Variants in STXBP5L observed in about 807,000 individuals in gnomAD.
STXBP5L encodes syntaxin binding protein 5L.
STXBP5L carries 65 observed loss-of-function variants against 144.5 expected under a neutral mutation model. The ratio of observed to expected loss-of-function variants is 0.45; its 90% CI spans 0.37 to 0.55. The LOEUF (loss-of-function observed/expected upper bound fraction) is 0.55. STXBP5L is among the 20% of genes least tolerant of loss of function. The pLI, the probability that STXBP5L is intolerant of heterozygous loss-of-function variation, is 0.00. For missense variants in STXBP5L, 1,298 were observed against 1,405.5 expected, an observed-to-expected ratio of 0.92 and a Z score of 1.22; for synonymous variants, 505 against 469.6, an observed-to-expected ratio of 1.08 and a Z score of -0.97.
rs986292791 is a variant in STXBP5L, at chr3:121,036,333, T to TA, written c.288-5359dup. ...GGGCAACACGAGTGAGACTCCATCT[T>TA]AAAAAAAATTGATTTTGCATTCTAC... On this transcript the variant is annotated intron_variant, in intron 3 of 26. Coordinates refer to ENST00000471454, the MANE Select transcript of STXBP5L (RefSeq NM_001308330.2). Among the ~76,000 whole-genome samples, 5 of 152,058 alleles carry TA rather than the reference T, an allele frequency of 3.3e-5. No individual in the cohort carries two copies. The South Asian group carries it at 6.2e-4, about 19-fold the overall frequency.
chr3:121,081,768 G>A (rs1285357199), intron 5 of STXBP5L, among the ~76,000 whole-genome samples: 1 of 152,186 alleles, frequency 6.6e-6, no homozygotes, highest in South Asian at 2.1e-4. Flanking sequence ...CAGAGGCCCA[G>A]TATTTATTAA....
intron 3 of STXBP5L, among the ~76,000 whole-genome samples, chr3:121,038,898 A>G (rs1946947268): frequency 6.6e-6 from 1 of 151,910 alleles, no homozygotes; most frequent in Non-Finnish European, 1.5e-5. Context: ...GTATATTAAT[A>G]TATCTTTCCA....
chr3:121,086,476 A>T (rs1276153598), intron 5 of STXBP5L, among the ~76,000 whole-genome samples: 2 of 152,108 alleles, frequency 1.3e-5, no homozygotes, highest in African/African-American at 2.4e-5. Context: ...AAATATTTAG[A>T]TACACAAATG....
intron 2 of STXBP5L, among the ~76,000 whole-genome samples, chr3:120,948,341 T>A (rs974330842): frequency 6.6e-6 from 1 of 151,810 alleles, no homozygotes; most frequent in African/African-American, 2.4e-5. Context: ...TCTTTATATA[T>A]TCTGGATTAA....
intron 5 of STXBP5L, chr3:121,049,803 G>T (rs569397820): frequency 6.5e-6 from 1 of 153,976 alleles, no homozygotes; most frequent in South Asian, 2.0e-4. Context: ...TGCATCTGCT[G>T]GTGTTGAGGT....
intron 17 of STXBP5L, among the ~76,000 whole-genome samples, chr3:121,257,976 A>G (rs2050262404): frequency 6.6e-6 from 1 of 152,182 alleles, no homozygotes. Context: ...TAATTTCTTT[A>G]GCTTTCTTGG....
chr3:121,267,155 G>A (rs556834996), intron 18 of STXBP5L, among the ~76,000 whole-genome samples: 37 of 152,078 alleles, frequency 2.4e-4, no homozygotes, highest in Admixed American at 6.6e-4. Context: ...ACCTGACTTC[G>A]AACTATACTA....
chr3:121,025,959 G>A (rs1331766985), intron 3 of STXBP5L, among the ~76,000 whole-genome samples: 1 of 143,136 alleles, frequency 7.0e-6, no homozygotes, highest in African/African-American at 2.5e-5. Flanking sequence ...ATATCATAAT[G>A]TATAATATAT....
chr3:121,110,735 C>G (rs1028307997), intron 5 of STXBP5L, among the ~76,000 whole-genome samples: 4 of 152,044 alleles, frequency 2.6e-5, no homozygotes, highest in Non-Finnish European at 5.9e-5. Context: ...GAATATCTTA[C>G]TGGGGTTCTC....
chr3:121,382,802 G>C (rs2046348648), intron 22 of STXBP5L, among the ~76,000 whole-genome samples: 1 of 152,048 alleles, frequency 6.6e-6, no homozygotes, highest in Admixed American at 6.6e-5. Flanking sequence ...GTCATTCTTA[G>C]CACATATACT....
intron 3 of STXBP5L, among the ~76,000 whole-genome samples, chr3:120,972,445 T>C (rs1256752423): frequency 6.6e-6 from 1 of 152,170 alleles, no homozygotes; most frequent in African/African-American, 2.4e-5. Context: ...ACTGAATTCA[T>C]CTATCAAATC....
chr3:121,061,125 A>G (rs2041254639), intron 5 of STXBP5L, among the ~76,000 whole-genome samples: 1 of 152,064 alleles, frequency 6.6e-6, no homozygotes, highest in South Asian at 2.1e-4. Flanking sequence ...ATAAATTTCC[A>G]TCTAAACACT....
In STXBP5L at chr3:120,992,233, G is replaced by A. The variant is rs949714459; in HGVS notation, c.287+37196G>A. Among the ~76,000 whole-genome samples, 3 of 152,080 alleles carry A rather than the reference G, an allele frequency of 2.0e-5. No homozygotes were observed. In the East Asian group the frequency reaches 5.8e-4, roughly 29 times the overall value. ...ATATTTCATTACATGAATACAATGTGTAGTGATCAACTCAGAATGTTTAGC... is the reference window on the plus strand; with the variant it reads ...ATATTTCATTACATGAATACAATGTATAGTGATCAACTCAGAATGTTTAGC... On this transcript the variant is annotated intron_variant, in intron 3 of 26. Coordinates refer to ENST00000471454, the MANE Select transcript of STXBP5L (RefSeq NM_001308330.2).
chr3:121,332,133 G>T (rs967908061), intron 20 of STXBP5L, among the ~76,000 whole-genome samples: 4 of 149,484 alleles, frequency 2.7e-5, no homozygotes, highest in Non-Finnish European at 4.5e-5. Flanking sequence ...ATAATTAAAA[G>T]AAATAGTTTA....
At chr3:121,340,495 C>T (rs777184083) in intron 20 of STXBP5L, among the ~76,000 whole-genome samples, 5 of 151,362 alleles carry the variant, frequency 3.3e-5, no homozygotes, top group Admixed American at 6.6e-5. Context: ...TCCCACCCCC[C>T]GACAGGCCCC....
At chr3:121,073,365 A>T (rs924605896) in intron 5 of STXBP5L, among the ~76,000 whole-genome samples, 28 of 152,218 alleles carry the variant, frequency 1.8e-4, no homozygotes, top group Admixed American at 1.3e-4. Flanking sequence ...CCTCTGCTCC[A>T]TCAGGGTGAC....
intron 10 of STXBP5L, among the ~76,000 whole-genome samples, chr3:121,206,502 A>G (rs1300988856): frequency 6.6e-6 from 1 of 152,188 alleles, no homozygotes; most frequent in African/African-American, 2.4e-5. Flanking sequence ...GTAAAATATT[A>G]TTTTGTGTTT....
intron 7 of STXBP5L, among the ~76,000 whole-genome samples, chr3:121,129,426 C>T (rs1236338587): frequency 8.6e-6 from 1 of 116,114 alleles, no homozygotes; most frequent in African/African-American, 3.2e-5. Context: ...GTAGGTTTTG[C>T]AAAAAAAAAA....
intron 7 of STXBP5L, among the ~76,000 whole-genome samples, chr3:121,129,895 T>G (rs1183476634): frequency 1.3e-5 from 2 of 152,070 alleles, no homozygotes; most frequent in African/African-American, 2.4e-5. Context: ...ATGAAGATTT[T>G]GAGGGTCTTA....
Sources: allele counts gnomAD v4.1 joint callset (sites outside exome capture counted in the v4.1 genomes callset), GRCh38; gene constraint gnomAD v4.1.1; transcripts MANE v1.5; gene names NCBI Gene and HGNC (gene_info 2026-07-23, HGNC 2026-07-21).